The following CLDN9 variants were observed in gnomAD, a reference collection of about 807,000 sequenced individuals.
CLDN9 encodes claudin 9.
A neutral mutation model predicts 10.1 loss-of-function variants in CLDN9; 14 were observed. That is an observed-to-expected ratio of 1.38 (90% CI 0.91 to 2.16). CLDN9 has a LOEUF of 2.16. CLDN9 is among the 30% of genes most tolerant of loss of function. The pLI is 0.00. For synonymous variants in CLDN9, 162 were observed against 143.1 expected (o/e 1.13, Z -0.95); for missense variants, 332 against 294.8 (o/e 1.13, Z -0.93).
chr16:3,014,223 A>G lies in CLDN9; in HGVS notation c.*207A>G, dbSNP rs2072549962. On this transcript the variant is annotated 3_prime_UTR_variant, in exon 1 of 1. Coordinates refer to ENST00000445369, the MANE Select transcript of CLDN9 (RefSeq NM_020982.4). ...GGGTCCCCTTTGATGTTCTCCCCCAAGTTGGGCAGCCTAGAGGTGTTGGGA... is the reference window on the plus strand; with the variant it reads ...GGGTCCCCTTTGATGTTCTCCCCCAGGTTGGGCAGCCTAGAGGTGTTGGGA... The G allele has an allele frequency of 2.2e-5, 12 of 543,618 alleles. 1 individual carries two copies. The South Asian group carries it at 4.4e-4, about 20-fold the overall frequency. 33.7% of individuals were successfully genotyped at this position (543,618 alleles called of 1,614,324 possible).
chr16:3,014,222 A>C lies in CLDN9; in HGVS notation c.*206A>C. ...GGGGTCCCCTTTGATGTTCTCCCCC[A>C]AGTTGGGCAGCCTAGAGGTGTTGGG... is the stretch of plus-strand genomic sequence containing the variant. On this transcript the variant is annotated 3_prime_UTR_variant, in exon 1 of 1. Coordinates refer to ENST00000445369, the MANE Select transcript of CLDN9 (RefSeq NM_020982.4). The C allele has an allele frequency of 1.8e-6, 1 of 542,778 alleles. No homozygotes were observed. Among genetic ancestry groups the C allele is most frequent in the Non-Finnish European group, 3.2e-6 (1 of 311,210 alleles). The allele number at this position is 542,778 out of a possible 1,614,324, so 33.6% of individuals were successfully genotyped here. A position where few individuals can be genotyped will look rare whatever the true frequency, so the allele number is the denominator to read the frequency against.
chr16:3,013,951 C>T lies in CLDN9; in HGVS notation c.589C>T (p.Arg197Trp), dbSNP rs201829414. The T allele has an allele frequency of 2.4e-5, 37 of 1,563,372 alleles. No individual in the cohort carries two copies. Among genetic ancestry groups the T allele is most frequent in the Admixed American group, 1.4e-4 (7 of 50,588 alleles). The change falls in exon 1 of 1, where the codon CGG becomes TGG. Residue 197 changes from arginine to tryptophan, a missense_variant. By Grantham distance (101) the Arg-to-Trp change is moderately radical. Coordinates refer to ENST00000445369, the MANE Select transcript of CLDN9 (RefSeq NM_020982.4). This position sits in a 1 kb window ranked among gnomAD's most constrained non-coding sequence, Gnocchi z 6.4. ...CCAGGTCGAGCGGCCCCGCGGACCT[C>T]GGCTGGGCTACTCCATCCCCTCCCG... ...PPQVERPRGPRLGYSIPSRSG... is the reference protein window; with the variant it reads ...PPQVERPRGPWLGYSIPSRSG...
At position 3,014,027 on chromosome 16, in the gene CLDN9, T is replaced by G. The variant is rs1055459373; in HGVS notation, c.*11T>G. ...AGGGACTACGTGTGAGGCGGAGGTT[T>G]CCCCTGGGAGCCCACTGCTCCCCAC... is the stretch of plus-strand genomic sequence containing the variant. On this transcript the variant is annotated 3_prime_UTR_variant, in exon 1 of 1. Coordinates refer to ENST00000445369, the MANE Select transcript of CLDN9 (RefSeq NM_020982.4). The G allele has an allele frequency of 4.6e-6, 7 of 1,511,324 alleles. No homozygotes were observed. The highest frequency in any genetic ancestry group is 3.6e-4 in the Middle Eastern group (2 of 5,598). The allele number at this position is 1,511,324 out of a possible 1,614,324, so 93.6% of individuals were successfully genotyped here.
In CLDN9 at chr16:3,013,808, AC is replaced by A. The variant is rs771833909; in HGVS notation, c.451del (p.Leu151TrpfsTer225). ...CACGCCATCATCCAGGACTTCTACAACCCCCTGGTGGCTGAGGCCCTCAAGC... is the reference window on the plus strand; with the variant it reads ...CACGCCATCATCCAGGACTTCTACAACCCCTGGTGGCTGAGGCCCTCAAGC... ...TAHAIIQDFY[N>X]PLVAEALKRE... On this transcript the variant is annotated frameshift_variant, in exon 1 of 1. Transcript: ENST00000445369. LOFTEE classifies it high-confidence loss of function. This position sits in a 1 kb window ranked among gnomAD's most constrained non-coding sequence, Gnocchi z 6.4. 1 of 1,612,662 alleles carries A rather than the reference AC, an allele frequency of 6.2e-7. No homozygotes were observed. The highest frequency in any genetic ancestry group is 8.5e-7 in the Non-Finnish European group (1 of 1,179,830).
Position 3,013,516 on chromosome 16 carries a change from A to G in CLDN9, c.154A>G (p.Met52Val). The G allele has an allele frequency of 6.2e-7, 1 of 1,613,946 alleles. No homozygotes were observed. The highest frequency in any genetic ancestry group is 8.5e-7 in the Non-Finnish European group (1 of 1,179,996). The change falls in exon 1 of 1, where the codon ATG (methionine) becomes GTG (valine). Residue 52 changes from methionine (M) to valine (V), a missense_variant. By Grantham distance (21) the Met-to-Val change is conservative. Coordinates refer to ENST00000445369, the MANE Select transcript of CLDN9 (RefSeq NM_020982.4). The surrounding 1 kb of genome is among the most constrained non-coding windows in gnomAD (Gnocchi z 6.4). ...VAQVVWEGLW[M>V]SCVVQSTGQM... ...CCAGGTGGTGTGGGAGGGCCTGTGG[A>G]TGTCCTGCGTGGTGCAGAGCACGGG...
rs201542121 is a variant in CLDN9 at position 3,013,724 on chromosome 16, C to T, written c.362C>T (p.Ala121Val). The T allele has an allele frequency of 6.1e-5, 99 of 1,613,528 alleles. No homozygotes were observed. The highest frequency in any genetic ancestry group is 1.6e-4 in the Middle Eastern group (1 of 6,084). ...GCCAAGGCCCGTATCGTGCTCACCGCGGGGGTCATCCTCCTCCTCGCCGGC... is the reference window on the plus strand; with the variant it reads ...GCCAAGGCCCGTATCGTGCTCACCGTGGGGGTCATCCTCCTCCTCGCCGGC... ...EGAKARIVLTAGVILLLAGIL... is the reference protein window; with the variant it reads ...EGAKARIVLTVGVILLLAGIL... The change falls in exon 1 of 1, where the codon GCG (alanine) becomes GTG (valine). Residue 121 changes from alanine to valine, a missense_variant. Ala to Val is a moderately conservative substitution (Grantham distance 64). Transcript: ENST00000445369. This position sits in a 1 kb window ranked among gnomAD's most constrained non-coding sequence, Gnocchi z 6.4.
In CLDN9 at chr16:3,013,411, G is replaced by C; in HGVS notation, c.49G>C (p.Gly17Arg). 1 of 1,613,988 alleles carries C rather than the reference G, an allele frequency of 6.2e-7. No individual in the cohort carries two copies. The change falls in exon 1 of 1, where the codon GGC becomes CGC. Residue 17 changes from glycine to arginine, a missense_variant. Transcript: ENST00000445369. The surrounding 1 kb of genome is among the most constrained non-coding windows in gnomAD (Gnocchi z 6.4). ...GCTGGGCATGACCCTGGCTGTGCTGGGCTGGCTGGGGACCCTGGTGTCCTG... is the reference window on the plus strand; with the variant it reads ...GCTGGGCATGACCCTGGCTGTGCTGCGCTGGCTGGGGACCCTGGTGTCCTG... ...ELLGMTLAVLGWLGTLVSCAL... is the reference protein window; with the variant it reads ...ELLGMTLAVLRWLGTLVSCAL...
Position 3,013,311 on chromosome 16 carries a change from C to T in CLDN9, c.-52C>T. 3.2e-6 allele frequency: 5 copies of T among 1,553,420 alleles called. No individual in the cohort carries two copies. The South Asian group carries it at 3.6e-5, about 11-fold the overall frequency. ...ACCCACCCAGCACACCAGACACACC[C>T]TCTGAGTCACCTAGGCCGCCTGGGG... On this transcript the variant is annotated 5_prime_UTR_variant, in exon 1 of 1. Transcript: ENST00000445369. This position sits in a 1 kb window ranked among gnomAD's most constrained non-coding sequence, Gnocchi z 6.4.
chr16:3,013,976 G>A lies in CLDN9; in HGVS notation c.614G>A (p.Arg205His), dbSNP rs754832732. The change falls in exon 1 of 1, where the codon CGC becomes CAC. Residue 205 changes from arginine to histidine, a missense_variant. By Grantham distance (29) the Arg-to-His change is conservative (BLOSUM62 0). Coordinates refer to ENST00000445369, the MANE Select transcript of CLDN9 (RefSeq NM_020982.4). This position sits in a 1 kb window ranked among gnomAD's most constrained non-coding sequence, Gnocchi z 6.4. ...GPRLGYSIPS[R>H]SGASGLDKRD... is the part of the protein sequence containing the mutation. Reference sequence around the variant, plus strand: ...CGGCTGGGCTACTCCATCCCCTCCCGCTCGGGTGCATCTGGACTGGACAAG... The same window carrying A: ...CGGCTGGGCTACTCCATCCCCTCCCACTCGGGTGCATCTGGACTGGACAAG... 1.6e-4 allele frequency: 252 copies of A among 1,535,948 alleles called. No homozygotes were observed. Among genetic ancestry groups the A allele is most frequent in the Non-Finnish European group, 2.0e-4 (232 of 1,146,346 alleles).
In CLDN9 at chr16:3,013,867, G is replaced by A; in HGVS notation, c.505G>A (p.Ala169Thr). 1.2e-6 allele frequency: 2 copies of A among 1,612,138 alleles called. No homozygotes were observed. Among genetic ancestry groups the A allele is most frequent in the African/African-American group, 2.7e-5 (2 of 75,028 alleles). ...ELGASLYLGW[A>T]AAALLMLGGG... ...GGGGGCCTCCCTCTACCTGGGCTGG[G>A]CGGCGGCTGCACTGCTTATGCTGGG... Residue 169 changes from alanine to threonine, a missense_variant, in exon 1 of 1, where the codon GCG becomes ACG. Ala to Thr is a moderately conservative substitution (Grantham distance 58, BLOSUM62 0). Transcript: ENST00000445369. This position sits in a 1 kb window ranked among gnomAD's most constrained non-coding sequence, Gnocchi z 6.4.
Position 3,014,220 on chromosome 16 carries a change from C to G in CLDN9, c.*204C>G. ...GTGGGGTCCCCTTTGATGTTCTCCCCCAAGTTGGGCAGCCTAGAGGTGTTG... is the reference window on the plus strand; with the variant it reads ...GTGGGGTCCCCTTTGATGTTCTCCCGCAAGTTGGGCAGCCTAGAGGTGTTG... On this transcript the variant is annotated 3_prime_UTR_variant, in exon 1 of 1. Transcript: ENST00000445369. 1.8e-6 allele frequency: 1 copy of G among 554,786 alleles called. No individual in the cohort carries two copies. 34.4% of individuals were successfully genotyped at this position (554,786 alleles called of 1,614,324 possible). A position where few individuals can be genotyped will look rare whatever the true frequency, so the allele number is the denominator to read the frequency against.
Position 3,013,729 on chromosome 16 carries a change from G to T in CLDN9, c.367G>T (p.Val123Phe). Residue 123 changes from valine (V) to phenylalanine (F), a missense_variant, in exon 1 of 1, where the codon GTC becomes TTC. Transcript: ENST00000445369. The surrounding 1 kb of genome is among the most constrained non-coding windows in gnomAD (Gnocchi z 6.4). ...GGCCCGTATCGTGCTCACCGCGGGG[G>T]TCATCCTCCTCCTCGCCGGCATCCT... Reference protein sequence around the residue: ...AKARIVLTAGVILLLAGILVL... With the variant: ...AKARIVLTAGFILLLAGILVL... 2 of 1,613,586 alleles carry T rather than the reference G, an allele frequency of 1.2e-6. No homozygotes were observed. Among genetic ancestry groups the T allele is most frequent in the Middle Eastern group, 1.7e-4 (1 of 6,060 alleles).
chr16:3,013,724 CG>C lies in CLDN9; in HGVS notation c.367del (p.Val123SerfsTer253), dbSNP rs1596467499. The part of the protein sequence containing the change: ...EGAKARIVLT[A>X]GVILLLAGIL... ...GCCAAGGCCCGTATCGTGCTCACCG[CG>C]GGGGTCATCCTCCTCCTCGCCGGCA... On this transcript the variant is annotated frameshift_variant, in exon 1 of 1. Transcript: ENST00000445369. LOFTEE classifies it high-confidence loss of function. This position sits in a 1 kb window ranked among gnomAD's most constrained non-coding sequence, Gnocchi z 6.4. The C allele has an allele frequency of 6.2e-7, 1 of 1,613,646 alleles. No homozygotes were observed. Among genetic ancestry groups the C allele is most frequent in the Non-Finnish European group, 8.5e-7 (1 of 1,179,988 alleles).
Position 3,013,299 on chromosome 16 carries a change from A to G in CLDN9, c.-64A>G. The stretch of plus-strand genomic sequence containing the variant: ...GGACACAGAGACACCCACCCAGCAC[A>G]CCAGACACACCCTCTGAGTCACCTA... On this transcript the variant is annotated 5_prime_UTR_variant, in exon 1 of 1. Transcript: ENST00000445369. The surrounding 1 kb of genome is among the most constrained non-coding windows in gnomAD (Gnocchi z 6.4). The G allele has an allele frequency of 6.6e-7, 1 of 1,524,878 alleles. No individual in the cohort carries two copies. The highest frequency in any genetic ancestry group is 8.8e-7 in the Non-Finnish European group (1 of 1,136,846). The allele number at this position is 1,524,878 out of a possible 1,614,324, so 94.5% of individuals were successfully genotyped here. A position where few individuals can be genotyped will look rare whatever the true frequency, so the allele number is the denominator to read the frequency against.
rs755885384 is a variant in CLDN9 at position 3,014,006 on chromosome 16, A to T, written c.644A>T (p.Asp215Val). 25 of 1,515,284 alleles carry T rather than the reference A, an allele frequency of 1.6e-5. No homozygotes were observed. Among genetic ancestry groups the T allele is most frequent in the Non-Finnish European group, 2.1e-5 (24 of 1,133,524 alleles). 93.9% of individuals were successfully genotyped at this position (1,515,284 alleles called of 1,614,324 possible). Residue 215 changes from aspartate (D) to valine (V), a missense_variant, in exon 1 of 1, where the codon GAC becomes GTC. Physicochemically the swap from Asp to Val is radical, Grantham distance 152. Coordinates refer to ENST00000445369, the MANE Select transcript of CLDN9 (RefSeq NM_020982.4). The stretch of plus-strand genomic sequence containing the variant: ...GGTGCATCTGGACTGGACAAGAGGG[A>T]CTACGTGTGAGGCGGAGGTTTCCCC... ...RSGASGLDKRDYV is the reference protein window; with the variant it reads ...RSGASGLDKRVYV
Position 3,013,054 on chromosome 16 carries a change from T to G in CLDN9, c.-309T>G, listed in dbSNP as rs1596467144. The G allele has an allele frequency of 9.1e-6, 3 of 328,682 alleles. No individual in the cohort carries two copies. The highest frequency in any genetic ancestry group is 5.8e-5 in the East Asian group (1 of 17,376). The allele number at this position is 328,682 out of a possible 1,614,324, so 20.4% of individuals were successfully genotyped here. ...GCTCAGCCCAGGTGTGACAGCGGGGTGGTAAGAGCAGCAGCACCCTCAGGG... is the reference window on the plus strand; with the variant it reads ...GCTCAGCCCAGGTGTGACAGCGGGGGGGTAAGAGCAGCAGCACCCTCAGGG... On this transcript the variant is annotated 5_prime_UTR_variant, in exon 1 of 1. Transcript: ENST00000445369. The surrounding 1 kb of genome is among the most constrained non-coding windows in gnomAD (Gnocchi z 6.4).
At position 3,013,732 on chromosome 16, in the gene CLDN9, ATCC is replaced by A. The variant is rs759096498; in HGVS notation, c.379_381del (p.Leu127del). The stretch of plus-strand genomic sequence containing the variant: ...CCGTATCGTGCTCACCGCGGGGGTC[ATCC>A]TCCTCCTCGCCGGCATCCTGGTGCT... On this transcript the variant is annotated inframe_deletion, in exon 1 of 1. Transcript: ENST00000445369. The surrounding 1 kb of genome is among the most constrained non-coding windows in gnomAD (Gnocchi z 6.4). 14 of 1,613,364 alleles carry A rather than the reference ATCC, an allele frequency of 8.7e-6. No homozygotes were observed. Among genetic ancestry groups the A allele is most frequent in the Admixed American group, 1.7e-5 (1 of 59,988 alleles).
Position 3,014,164 on chromosome 16 carries a change from T to C in CLDN9, c.*148T>C. ...CCCAAGCTACACCTGGCTGCAGGGC[T>C]GGGTCAGCTGGCCTGGCTGAGCTCT... is the stretch of plus-strand genomic sequence containing the variant. On this transcript the variant is annotated 3_prime_UTR_variant, in exon 1 of 1. Transcript: ENST00000445369. The C allele has an allele frequency of 2.3e-6, 2 of 877,934 alleles. No homozygotes were observed. The highest frequency in any genetic ancestry group is 3.4e-6 in the Non-Finnish European group (2 of 594,700). 54.4% of individuals were successfully genotyped at this position (877,934 alleles called of 1,614,324 possible). A position where few individuals can be genotyped will look rare whatever the true frequency, so the allele number is the denominator to read the frequency against.
In CLDN9 at chr16:3,014,108, T is replaced by A; in HGVS notation, c.*92T>A. On this transcript the variant is annotated 3_prime_UTR_variant, in exon 1 of 1. Transcript: ENST00000445369. ...CCAGATGCCCTGCTCCATCACAACC[T>A]CCTTCCCCAGGAAAACCCACTTTCC... The A allele has an allele frequency of 7.3e-7, 1 of 1,362,886 alleles. No homozygotes were observed. The highest frequency in any genetic ancestry group is 9.9e-7 in the Non-Finnish European group (1 of 1,013,646). 84.4% of individuals were successfully genotyped at this position (1,362,886 alleles called of 1,614,324 possible).
Sources: gnomAD v4.1 joint callset for allele counts on GRCh38, gnomAD v4.1.1 for gene constraint, Gnocchi (gnomAD v3.1) non-coding constraint, MANE v1.5 for transcripts, NCBI Gene and HGNC (gene_info 2026-07-23, HGNC 2026-07-21) for gene names.